The following GSAP variants were observed in gnomAD, a reference collection of about 807,000 sequenced individuals.
GSAP encodes gamma-secretase-activating protein.
In GSAP, 118 loss-of-function variants were observed where a neutral mutation model predicts 131.7. That is an observed-to-expected ratio of 0.90 (90% CI 0.77 to 1.04). The LOEUF (loss-of-function observed/expected upper bound fraction) is 1.04, where lower values mean the gene tolerates loss of function less well. Among genes scored for constraint, GSAP ranks in the 50% least tolerant of loss-of-function variants. The probability of loss-of-function intolerance (pLI) is 0.00; values close to 1 mark genes in which losing one functional copy is unlikely to be tolerated. For missense variants in GSAP, 1,019 were observed against 1,013.2 expected, an observed-to-expected ratio of 1.01 and a Z score of -0.08; for synonymous variants, 381 against 363.4, an observed-to-expected ratio of 1.05 and a Z score of -0.55.
At chr7:77,396,881 G>T in intron 5 of GSAP, 101 bp downstream of exon 5, 2 of 649,934 alleles carry the variant, frequency 3.1e-6, no homozygotes, top group South Asian at 2.2e-5. Flanking sequence ...ATACGATAAG[G>T]CTATTTCTAA....
chr7:77,410,501 TCA>T (rs369539009), intron 1 of GSAP, among the ~76,000 whole-genome samples: 4 of 152,272 alleles, frequency 2.6e-5, no homozygotes, highest in Middle Eastern at 3.2e-3. Context: ...TGGCTTAATT[TCA>T]CAGTTTAGTA....
At chr7:77,367,844 G>A (rs942135568) in intron 12 of GSAP, among the ~76,000 whole-genome samples, 1 of 152,076 alleles carries the variant, frequency 6.6e-6, no homozygotes, top group Admixed American at 6.6e-5. Flanking sequence ...GCTTTTTTCG[G>A]TTGGTAGGTT....
At chr7:77,346,466 G>A (rs1479870459) in intron 19 of GSAP, among the ~76,000 whole-genome samples, 6 of 151,348 alleles carry the variant, frequency 4.0e-5, no homozygotes, top group Middle Eastern at 3.4e-3. Context: ...TTGGGAGGCC[G>A]AGTTAGGAGG....
intron 19 of GSAP, among the ~76,000 whole-genome samples, chr7:77,344,115 C>T (rs1791438491): frequency 6.6e-6 from 1 of 152,190 alleles, no homozygotes; most frequent in East Asian, 1.9e-4. Flanking sequence ...TCTGCGAAGG[C>T]CACCGTGGTC....
chr7:77,350,472 G>C (rs145919010), intron 18 of GSAP, among the ~76,000 whole-genome samples: 12,954 of 150,074 alleles, frequency 0.086, 617 homozygotes, highest in African/African-American at 0.12. Flanking sequence ...GCAGTGGCTC[G>C]CGCCTGTAAT....
At chr7:77,398,211 G>T (rs74492096) in intron 3 of GSAP, among the ~76,000 whole-genome samples, 9,789 of 152,210 alleles carry the variant, frequency 0.064, 421 homozygotes, top group Non-Finnish European at 0.09. Context: ...AGTAAATAGT[G>T]TAAGTATTAA....
intron 20 of GSAP, 35 bp downstream of exon 20, chr7:77,330,204 C>T (rs1562915247): frequency 3.2e-6 from 5 of 1,586,344 alleles, no homozygotes; most frequent in East Asian, 2.3e-5. Flanking sequence ...CACTATGCCT[C>T]GCTGCTGGCT....
At chr7:77,344,173 C>G (rs1791447276) in intron 19 of GSAP, among the ~76,000 whole-genome samples, 1 of 152,146 alleles carries the variant, frequency 6.6e-6, no homozygotes, top group Admixed American at 6.5e-5. Context: ...GCCTTCCCAC[C>G]TCTATACAGT....
At chr7:77,368,369 T>C (rs1202457594) in intron 12 of GSAP, among the ~76,000 whole-genome samples, 1 of 152,208 alleles carries the variant, frequency 6.6e-6, no homozygotes, top group African/African-American at 2.4e-5. Context: ...TAATCAGCCC[T>C]GGATTTTTTT....
At chr7:77,321,199 G>C in intron 25 of GSAP, 134 bp downstream of exon 25, 1 of 662,462 alleles carries the variant, frequency 1.5e-6, no homozygotes, top group Admixed American at 2.3e-5. Context: ...TAAATGCTGA[G>C]TATAGAATTA....
chr7:77,313,562 T>TA lies in GSAP; in HGVS notation c.2210-14dup. On this transcript the variant is annotated splice_polypyrimidine_tract_variant and intron_variant, in intron 27 of 30. Transcript: ENST00000257626. ...GTATTATCCAGATCTACAAGAAAGT[T>TA]AGAGATTAGCAAATGAAACAAATAC... 1 of 1,344,380 alleles carries TA rather than the reference T, an allele frequency of 7.4e-7. No individual in the cohort carries two copies. Among genetic ancestry groups the TA allele is most frequent in the Non-Finnish European group, 1.1e-6 (1 of 943,500 alleles). The allele number at this position is 1,344,380 out of a possible 1,614,324, so 83.3% of individuals were successfully genotyped here.
Position 77,383,829 on chromosome 7 carries a change from C to T in GSAP, c.457-1186G>A, listed in dbSNP as rs565981214. Among the ~76,000 whole-genome samples, 50 of 152,274 alleles carry T rather than the reference C, an allele frequency of 3.3e-4. No homozygotes were observed. In the Middle Eastern group the frequency reaches 0.014, roughly 41 times the overall value. On this transcript the variant is annotated intron_variant, in intron 6 of 30. Transcript: ENST00000257626. ...GGCACAACTTTTATGTCCCAATCTC[C>T]GAGTCATTAGTCTCACTAAACTTAG... is the stretch of plus-strand genomic sequence containing the variant.
chr7:77,416,179 G>GCCCCCCCCCCCC, intron 1 of GSAP, 34 bp downstream of exon 1: 1 of 435,044 alleles, frequency 2.3e-6, no homozygotes, highest in Non-Finnish European at 3.8e-6. Context: ...CCCACTCCCC[G>GCCCCCCCCCCCC]CCCCCACCCC....
Position 77,374,140 on chromosome 7 carries a change from T to A in GSAP, c.801A>T (p.Gly267=). The A allele has an allele frequency of 6.4e-7, 1 of 1,574,148 alleles. No individual in the cohort carries two copies. The highest frequency in any genetic ancestry group is 1.1e-5 in the South Asian group (1 of 88,360). The change falls in exon 12 of 31, where the codon GGA becomes GGT. Residue 267 remains glycine, a synonymous_variant. Coordinates refer to ENST00000257626, the MANE Select transcript of GSAP (RefSeq NM_017439.4). The stretch of plus-strand genomic sequence containing the variant: ...TATCTCGGTATTGATGATAATCACA[T>A]CCAAAGTTGACAAGTCTAAGAACAT... ...SNSGFKLVNF[G]CDYHQYRDKF... is the part of the protein sequence containing the mutation.
Position 77,311,448 on chromosome 7 carries a change from G to A in GSAP, c.2475C>T (p.Ala825=). The A allele has an allele frequency of 6.3e-7, 1 of 1,597,786 alleles. No homozygotes were observed. The highest frequency in any genetic ancestry group is 8.6e-7 in the Non-Finnish European group (1 of 1,165,944). ...ILTDIESSNQ[A]LYPFEGHDNV... ...TGTCATGTCCTTCAAAAGGATACAG[G>A]GCTGGAAAAAAATGGGGAGAGGGCA... Residue 825 remains alanine, a splice_region_variant and synonymous_variant, in exon 31 of 31, where the codon GCC becomes GCT. Transcript: ENST00000257626.
intron 5 of GSAP, among the ~76,000 whole-genome samples, chr7:77,387,956 T>C (rs1406571043): frequency 6.6e-6 from 1 of 152,142 alleles, no homozygotes; most frequent in African/African-American, 2.4e-5. Flanking sequence ...GCCTAACGGG[T>C]TTCTAATGGA....
intron 26 of GSAP, among the ~76,000 whole-genome samples, chr7:77,319,512 GAATC>G (rs926826299): frequency 3.2e-4 from 48 of 152,254 alleles, no homozygotes; most frequent in African/African-American, 1.1e-3. Context: ...TTAAAAAAAA[GAATC>G]AATATATGAT....
intron 10 of GSAP, among the ~76,000 whole-genome samples, chr7:77,375,467 T>C (rs2150998923): frequency 6.6e-6 from 1 of 152,254 alleles, no homozygotes; most frequent in Non-Finnish European, 1.5e-5. Flanking sequence ...TGGGTGTCTT[T>C]AGAAGGAGAG....
At chr7:77,396,660 G>GATGC (rs1424145401) in intron 5 of GSAP, among the ~76,000 whole-genome samples, 3 of 152,000 alleles carry the variant, frequency 2.0e-5, no homozygotes, top group Admixed American at 6.6e-5. Flanking sequence ...TATAAGAAAA[G>GATGC]ATGCATTCTT....
Sources: allele counts gnomAD v4.1 joint callset (sites outside exome capture counted in the v4.1 genomes callset), GRCh38; gene constraint gnomAD v4.1.1; transcripts MANE v1.5; gene names NCBI Gene and HGNC (gene_info 2026-07-23, HGNC 2026-07-21).